STIM1: variants seen among roughly 807,000 people sequenced by gnomAD.
STIM1 encodes the protein stromal interaction molecule 1.
STIM1 carries 25 observed loss-of-function variants against 74.7 expected under a neutral mutation model. The observed-to-expected ratio is 0.33, with a 90% CI of 0.24 to 0.47. The LOEUF (loss-of-function observed/expected upper bound fraction) is 0.47, where lower values mean the gene tolerates loss of function less well. Among genes scored for constraint, STIM1 ranks in the 20% least tolerant of loss-of-function variants. The probability of loss-of-function intolerance (pLI) is 1.00; values close to 1 mark genes in which losing one functional copy is unlikely to be tolerated. For synonymous variants in STIM1, 328 were observed against 348.8 expected, an observed-to-expected ratio of 0.94 and a Z score of 0.66; for missense variants, 728 against 920.8, an observed-to-expected ratio of 0.79 and a Z score of 2.71.
intron 1 of STIM1, among the ~76,000 whole-genome samples, chr11:3,946,544 G>T (rs1178446188): frequency 1.3e-5 from 2 of 152,054 alleles, no homozygotes; most frequent in African/African-American, 2.4e-5. Context: ...TGCCCTGCTT[G>T]TTCTTCGTTG....
chr11:3,856,653 A>G (rs2090383546), intron 1 of STIM1, among the ~76,000 whole-genome samples: 1 of 152,228 alleles, frequency 6.6e-6, no homozygotes, highest in Admixed American at 6.5e-5. Context: ...GGCAGTAAGA[A>G]GAAGCCTTTG....
chr11:3,988,375 G>C (rs543552423), intron 2 of STIM1, among the ~76,000 whole-genome samples: 2 of 151,998 alleles, frequency 1.3e-5, no homozygotes, highest in African/African-American at 2.4e-5. Context: ...AGATTTTATT[G>C]GTTGAGGATC....
chr11:4,061,528 C>T (rs1171966693), intron 5 of STIM1, among the ~76,000 whole-genome samples: 3 of 151,886 alleles, frequency 2.0e-5, no homozygotes, highest in Non-Finnish European at 4.4e-5. Context: ...AAATTGAAAC[C>T]CTGTATATTG....
chr11:3,901,616 A>G (rs929844012), intron 1 of STIM1, among the ~76,000 whole-genome samples: 15 of 152,244 alleles, frequency 9.9e-5, no homozygotes, highest in African/African-American at 3.6e-4. Context: ...CAATAGCTCT[A>G]TGAGATTGCT....
Position 4,062,373 on chromosome 11 carries a change from A to G in STIM1, c.613+2977A>G, listed in dbSNP as rs373574059. ...GGTGGCTCATGCCAGTAATCCCAGCACTTTGGGAGGCTGAGGTGGGCAGAT... is the reference window on the plus strand; with the variant it reads ...GGTGGCTCATGCCAGTAATCCCAGCGCTTTGGGAGGCTGAGGTGGGCAGAT... On this transcript the variant is annotated intron_variant, in intron 5 of 12. Transcript: ENST00000526596. Among the ~76,000 whole-genome samples, 11 of 152,358 alleles carry G rather than the reference A, an allele frequency of 7.2e-5. No individual in the cohort carries two copies. In the Middle Eastern group the frequency reaches 0.01, roughly 141 times the overall value.
intron 1 of STIM1, among the ~76,000 whole-genome samples, chr11:3,950,214 A>G (rs1453495679): frequency 2.7e-5 from 4 of 150,096 alleles, no homozygotes; most frequent in Non-Finnish European, 4.4e-5. Flanking sequence ...GCTCACTGCA[A>G]CCTCCACCTC....
intron 1 of STIM1, among the ~76,000 whole-genome samples, chr11:3,927,652 G>A (rs947081548): frequency 1.3e-5 from 2 of 152,164 alleles, no homozygotes; most frequent in African/African-American, 4.8e-5. Flanking sequence ...GAGTTCCTGG[G>A]GCAGCAGGGC....
rs1255140437 is a variant in STIM1, at chr11:4,070,129, G to A, written c.717G>A (p.Glu239=). 1.9e-6 allele frequency: 3 copies of A among 1,614,068 alleles called. No homozygotes were observed. The highest frequency in any genetic ancestry group is 2.5e-6 in the Non-Finnish European group (3 of 1,180,034). ...FAYIQNRYSK[E]HMKKMMKDLE... is the part of the protein sequence containing the mutation. ...ATATCCAGAACCGTTACTCCAAGGAGCACATGAAGAAGATGATGAAGGACT... is the reference window on the plus strand; with the variant it reads ...ATATCCAGAACCGTTACTCCAAGGAACACATGAAGAAGATGATGAAGGACT... The change falls in exon 6 of 13, where the codon GAG becomes GAA. Residue 239 remains glutamate (E), a synonymous_variant. Transcript: ENST00000526596.
intron 2 of STIM1, among the ~76,000 whole-genome samples, chr11:4,020,515 C>G (rs763137412): frequency 6.6e-6 from 1 of 152,022 alleles, no homozygotes; most frequent in African/African-American, 2.4e-5. Flanking sequence ...GATGATATCT[C>G]ATTGTGGTTT....
chr11:4,035,678 T>A (rs2094093839), intron 3 of STIM1, among the ~76,000 whole-genome samples: 1 of 152,146 alleles, frequency 6.6e-6, no homozygotes, highest in Admixed American at 6.6e-5. Context: ...TTAATTCCAT[T>A]GTGATCTGAG....
intron 1 of STIM1, among the ~76,000 whole-genome samples, chr11:3,926,594 T>A (rs1165718048): frequency 6.6e-6 from 1 of 152,186 alleles, no homozygotes; most frequent in African/African-American, 2.4e-5. Context: ...GAGCTTTAAG[T>A]CCAGCAAATA....
intron 1 of STIM1, chr11:3,892,318 T>C (rs564869820): frequency 2.3e-6 from 2 of 860,378 alleles, no homozygotes; most frequent in Admixed American, 3.7e-5. Flanking sequence ...TGCGAGCAAA[T>C]GGGGTGGAGG....
At chr11:3,867,553 G>T (rs1206497640) in intron 1 of STIM1, among the ~76,000 whole-genome samples, 1 of 152,252 alleles carries the variant, frequency 6.6e-6, no homozygotes, top group African/African-American at 2.4e-5. Context: ...TCCTGGGCTT[G>T]TTGTGCAGCA....
At chr11:3,941,334 C>G (rs2135601850) in intron 1 of STIM1, among the ~76,000 whole-genome samples, 1 of 152,176 alleles carries the variant, frequency 6.6e-6, no homozygotes, top group South Asian at 2.1e-4. Flanking sequence ...TGATATTAAA[C>G]AAAACAGATC....
At chr11:3,965,899 C>T (rs1231997455) in intron 1 of STIM1, among the ~76,000 whole-genome samples, 6 of 152,082 alleles carry the variant, frequency 3.9e-5, no homozygotes, top group Non-Finnish European at 7.4e-5. Flanking sequence ...CCCAGCTACT[C>T]GGAAGGCTGA....
At chr11:3,930,675 T>C (rs1174052941) in intron 1 of STIM1, among the ~76,000 whole-genome samples, 1 of 152,222 alleles carries the variant, frequency 6.6e-6, no homozygotes, top group Admixed American at 6.5e-5. Flanking sequence ...GAATTAGGGT[T>C]CCTGCTTCAT....
chr11:3,954,223 C>T (rs1191119940), intron 1 of STIM1, among the ~76,000 whole-genome samples: 1 of 152,008 alleles, frequency 6.6e-6, no homozygotes, highest in Admixed American at 6.6e-5. Flanking sequence ...GGTCTCTTGC[C>T]CCTTGCCATA....
At chr11:4,062,033 T>G (rs571230100) in intron 5 of STIM1, among the ~76,000 whole-genome samples, 1 of 151,934 alleles carries the variant, frequency 6.6e-6, no homozygotes, top group South Asian at 2.1e-4. Flanking sequence ...TACTGTAGAG[T>G]GATGGAAATA....
chr11:4,049,089 A>C (rs1339657923), intron 3 of STIM1, among the ~76,000 whole-genome samples: 2 of 152,230 alleles, frequency 1.3e-5, no homozygotes, highest in Non-Finnish European at 2.9e-5. Context: ...ACATCACATT[A>C]TAATATTGAG....
Sources: allele counts gnomAD v4.1 joint callset (sites outside exome capture counted in the v4.1 genomes callset), GRCh38; gene constraint gnomAD v4.1.1; transcripts MANE v1.5; gene names NCBI Gene and HGNC (gene_info 2026-07-23, HGNC 2026-07-21).